GLYATL1: variants seen among roughly 807,000 people sequenced by gnomAD.
GLYATL1 encodes glycine N-acyltransferase-like protein 1.
A neutral mutation model predicts 20.0 loss-of-function variants in GLYATL1; 15 were observed. The ratio of observed to expected loss-of-function variants is 0.75; its 90% CI spans 0.50 to 1.15. GLYATL1 has a LOEUF of 1.15. Ranked by LOEUF, GLYATL1 falls within the 50% of genes most tolerant of loss-of-function variation. The pLI is 0.00. For missense variants in GLYATL1, 380 were observed against 368.5 expected (o/e 1.03, Z -0.26); for synonymous variants, 151 against 131.5 (o/e 1.15, Z -1.01).
intron 1 of GLYATL1, chr11:58,933,764 C>A (rs1052427001): frequency 6.6e-6 from 1 of 152,160 alleles, no homozygotes; most frequent in South Asian, 2.1e-4. Flanking sequence ...TCTGGAAAAA[C>A]CCTTTCCTAG....
chr11:58,945,492 T>C (rs1173764096), intron 2 of GLYATL1, among the ~76,000 whole-genome samples: 1 of 152,074 alleles, frequency 6.6e-6, no homozygotes, highest in Non-Finnish European at 1.5e-5. Context: ...TGGCAGCTGA[T>C]AGGTGTGGGG....
intron 2 of GLYATL1, among the ~76,000 whole-genome samples, chr11:58,946,160 G>A (rs1203283118): frequency 6.6e-6 from 1 of 151,960 alleles, no homozygotes; most frequent in East Asian, 1.9e-4. Flanking sequence ...TATATGACAT[G>A]TTGATTAATA....
exon 2 of GLYATL1, chr11:58,908,428 C>T: frequency 6.0e-6 from 1 of 166,490 alleles, no homozygotes. Flanking sequence ...TCCATTTTTT[C>T]CACTAGTAGA....
rs145756584 is a variant in GLYATL1 at position 58,955,788 on chromosome 11, G to A, written c.670G>A (p.Asp224Asn). ...AGTCCCGGTCTCATGGGTAACCATG[G>A]ACCCTTCTTGTGAAGTAGGAATGGC... The part of the protein sequence containing the change: ...EGVPVSWVTM[D>N]PSCEVGMAYS... Residue 224 changes from aspartate (D) to asparagine (N), a missense_variant, in exon 7 of 7, where the codon GAC (aspartate) becomes AAC (asparagine). Asp to Asn is a conservative substitution (Grantham distance 23, BLOSUM62 1). Transcript: ENST00000532726. 130 of 1,614,050 alleles carry A rather than the reference G, an allele frequency of 8.1e-5. No homozygotes were observed. The highest frequency in any genetic ancestry group is 1.1e-4 in the Non-Finnish European group (126 of 1,180,048).
At chr11:58,934,532 C>T (rs938420967), upstream of GLYATL1, 23 of 152,362 alleles carry the variant, frequency 1.5e-4, no homozygotes, top group African/African-American at 5.3e-4. Context: ...CTAGAACCAA[C>T]ATATTCAGAA....
chr11:58,955,053 C>T (rs1043667430), intron 5 of GLYATL1, 123 bp from the exon 6 acceptor site: 1 of 1,213,172 alleles, frequency 8.2e-7, no homozygotes, highest in Non-Finnish European at 1.2e-6. Context: ...ACAAGGACTC[C>T]ATCTGACTGT....
At chr11:58,909,709 C>T (rs1000138727), downstream of GLYATL1, among the ~76,000 whole-genome samples, 5 of 152,140 alleles carry the variant, frequency 3.3e-5, no homozygotes, top group African/African-American at 9.7e-5. Flanking sequence ...GCAAATAATG[C>T]TTTCTAGACT....
chr11:58,940,289 G>A (rs1388293437), intron 1 of GLYATL1, among the ~76,000 whole-genome samples: 4 of 152,172 alleles, frequency 2.6e-5, no homozygotes, highest in Non-Finnish European at 5.9e-5. Context: ...CTGTTTTACT[G>A]AAAATTTTGG....
Position 58,943,632 on chromosome 11 carries a change from G to T in GLYATL1, c.-77G>T, listed in dbSNP as rs1383644357. 6.2e-7 allele frequency: 1 copy of T among 1,613,486 alleles called. No homozygotes were observed. Among genetic ancestry groups the T allele is most frequent in the Non-Finnish European group, 8.5e-7 (1 of 1,179,608 alleles). On this transcript the variant is annotated 5_prime_UTR_variant, in exon 2 of 7. Transcript: ENST00000532726. ...GAAGGTACCTGCAGGATCCAATTGT[G>T]TCCATTGATCTCTCAGAGTGGCTGA...
At chr11:58,941,058 A>C (rs1856104853) in intron 1 of GLYATL1, among the ~76,000 whole-genome samples, 1 of 152,016 alleles carries the variant, frequency 6.6e-6, no homozygotes, top group South Asian at 2.1e-4. Flanking sequence ...TTATTATTAC[A>C]CTTTAAGTTT....
In GLYATL1 at chr11:58,916,487, C is replaced by T. The variant is rs539250122; in HGVS notation, n.264+10826C>T. 7.2e-5 allele frequency among the ~76,000 whole-genome samples: 11 copies of T among 152,326 alleles called. 1 individual carries two copies. Among genetic ancestry groups the T allele is most frequent in the African/African-American group, 2.6e-4 (11 of 41,574 alleles). On this transcript the variant is annotated intron_variant and non_coding_transcript_variant, in intron 1 of 2. Transcript: ENST00000534674. ...AGATGTTAAACAAGTAGCCCAAGGT[C>T]ACACAGTGGGTGGTAATAGTAGCAG... is the stretch of plus-strand genomic sequence containing the variant.
downstream of GLYATL1, among the ~76,000 whole-genome samples, chr11:58,908,956 C>G (rs1166093903): frequency 6.6e-6 from 1 of 152,144 alleles, no homozygotes; most frequent in Non-Finnish European, 1.5e-5. Flanking sequence ...GAAACTGAAG[C>G]TCAGCTTCCT....
rs73483088 is a variant in GLYATL1 at position 58,947,505 on chromosome 11, G to A, written c.78+340G>A. On this transcript the variant is annotated intron_variant, in intron 3 of 6. Transcript: ENST00000532726. Reference sequence around the variant, plus strand: ...TTTCTTTCCCTTTCTCTGACTTTACGTTTGGTTTTTCCATCAATGAGATGG... The same window carrying A: ...TTTCTTTCCCTTTCTCTGACTTTACATTTGGTTTTTCCATCAATGAGATGG... 510 of 446,256 alleles carry A rather than the reference G, an allele frequency of 1.1e-3. 4 individuals are homozygous for A. The highest frequency in any genetic ancestry group is 9.1e-3 in the African/African-American group (466 of 51,426). The allele number at this position is 446,256 out of a possible 1,614,324, so 27.6% of individuals were successfully genotyped here.
At chr11:58,940,766 C>T (rs933568222) in intron 1 of GLYATL1, among the ~76,000 whole-genome samples, 2 of 151,994 alleles carry the variant, frequency 1.3e-5, no homozygotes, top group Admixed American at 1.3e-4. Flanking sequence ...TGGAGATAAG[C>T]CTGGGAAACA....
chr11:58,931,715 T>G (rs1855606644), intron 1 of GLYATL1, among the ~76,000 whole-genome samples: 1 of 152,202 alleles, frequency 6.6e-6, no homozygotes, highest in South Asian at 2.1e-4. Context: ...ACTCCTGTTC[T>G]TTATGACACC....
Position 58,947,038 on chromosome 11 carries a change from CT to C in GLYATL1, c.-42-4del. The C allele has an allele frequency of 6.2e-7, 1 of 1,603,720 alleles. No homozygotes were observed. The highest frequency in any genetic ancestry group is 8.5e-7 in the Non-Finnish European group (1 of 1,170,438). ...TTAACATTTTCCCTTCATTTCTTAT[CT>C]TTTCAGAGTTTCTTCTTCAAGGTCT... On this transcript the variant is annotated splice_region_variant and splice_polypyrimidine_tract_variant and intron_variant, in intron 2 of 6. Coordinates refer to ENST00000532726, the MANE Select transcript of GLYATL1 (RefSeq NM_001389712.2).
chr11:58,954,488 G>A (rs1240905088), intron 4 of GLYATL1, among the ~76,000 whole-genome samples: 1 of 152,138 alleles, frequency 6.6e-6, no homozygotes, highest in Admixed American at 6.5e-5. Context: ...CTTAAGGCCT[G>A]GTGGAGGGTG....
intron 1 of GLYATL1, chr11:58,907,197 T>G (rs1401430857): frequency 2.0e-5 from 9 of 455,108 alleles, no homozygotes; most frequent in African/African-American, 1.2e-4. Flanking sequence ...GGAAACCTCT[T>G]CATATATCCT....
chr11:58,922,955 C>G (rs1855343264), upstream of GLYATL1, among the ~76,000 whole-genome samples: 1 of 152,200 alleles, frequency 6.6e-6, no homozygotes, highest in South Asian at 2.1e-4. Context: ...GAGAGTCATA[C>G]TATTTCACAG....
Sources: allele counts gnomAD v4.1 joint callset (sites outside exome capture counted in the v4.1 genomes callset), GRCh38; gene constraint gnomAD v4.1.1; transcripts MANE v1.5; gene names NCBI Gene and HGNC (gene_info 2026-07-23, HGNC 2026-07-21).